PNLIPRP1: variants seen among roughly 807,000 people sequenced by gnomAD.
PNLIPRP1 encodes the protein inactive pancreatic lipase-related protein 1.
Under a neutral mutation model 54.6 loss-of-function variants are expected in PNLIPRP1, and 57 were observed. That is an observed-to-expected ratio of 1.04 (90% CI 0.84 to 1.30). The LOEUF (loss-of-function observed/expected upper bound fraction) is 1.30, where lower values mean the gene tolerates loss of function less well. PNLIPRP1 is among the 50% of genes most tolerant of loss of function. The pLI, the probability that PNLIPRP1 is intolerant of heterozygous loss-of-function variation, is 0.00. For synonymous variants in PNLIPRP1, 232 were observed against 208.8 expected (o/e 1.11, Z -0.96); for missense variants, 567 against 568.5 (o/e 1.00, Z 0.03).
intron 12 of PNLIPRP1, 45 bp downstream of exon 12, chr10:116,605,598 T>C: frequency 7.3e-7 from 1 of 1,379,140 alleles, no homozygotes; most frequent in South Asian, 1.7e-5. Context: ...TTGCAGAGAT[T>C]CATGTTATAA....
rs1554863234 is a variant in PNLIPRP1 at position 116,591,890 on chromosome 10, C to T, written c.169C>T (p.Leu57=). The change falls in exon 3 of 13, where the codon CTG becomes TTG. Residue 57 remains leucine (L), a synonymous_variant. Coordinates refer to ENST00000358834, the MANE Select transcript of PNLIPRP1 (RefSeq NM_006229.4). ...WSPEKIGTRF[L]LYTNENPNNF... ...CCCTGAGAAGATCGGCACCCGCTTC[C>T]TGCTGTACACCAATGAAAACCCAAA... The T allele has an allele frequency of 1.2e-6, 2 of 1,614,088 alleles. No individual in the cohort carries two copies. The highest frequency in any genetic ancestry group is 2.2e-5 in the East Asian group (1 of 44,892).
intron 4 of PNLIPRP1, 79 bp from the exon 5 acceptor site, chr10:116,594,651 G>T: frequency 1.3e-6 from 2 of 1,495,190 alleles, no homozygotes; most frequent in Non-Finnish European, 1.9e-6. Flanking sequence ...AGAGAGAAGT[G>T]GCCATTTCTG....
rs782772586 is a variant in PNLIPRP1 at position 116,601,212 on chromosome 10, C to T, written c.1063+11C>T. On this transcript the variant is annotated intron_variant, in intron 10 of 12. Coordinates refer to ENST00000358834, the MANE Select transcript of PNLIPRP1 (RefSeq NM_006229.4). The stretch of plus-strand genomic sequence containing the variant: ...CTAGCAATTTCGCTCGTAAGTTGCA[C>T]TTTGACTACCTGCCCATGTAAAGAA... 1 of 1,609,348 alleles carries T rather than the reference C, an allele frequency of 6.2e-7. No individual in the cohort carries two copies.
At chr10:116,594,098 A>G (rs782075232) in intron 4 of PNLIPRP1, among the ~76,000 whole-genome samples, 3 of 152,228 alleles carry the variant, frequency 2.0e-5, no homozygotes, top group Non-Finnish European at 2.9e-5. Context: ...AATTTATAGT[A>G]CCATTTTAAA....
intron 12 of PNLIPRP1, among the ~76,000 whole-genome samples, chr10:116,606,937 T>C (rs1173069565): frequency 3.3e-5 from 5 of 152,026 alleles, no homozygotes; most frequent in African/African-American, 1.2e-4. Flanking sequence ...GCTTCAAATC[T>C]CTCAAACTAG....
At chr10:116,601,507 C>A in intron 10 of PNLIPRP1, among the ~76,000 whole-genome samples, 1 of 152,150 alleles carries the variant, frequency 6.6e-6, no homozygotes, top group East Asian at 1.9e-4. Context: ...TTCATTGTTT[C>A]TTTCCTTTTT....
intron 9 of PNLIPRP1, 36 bp downstream of exon 9, chr10:116,600,201 C>G: frequency 1.5e-6 from 2 of 1,339,416 alleles, no homozygotes; most frequent in Non-Finnish European, 2.2e-6. Flanking sequence ...ACAAGCATCA[C>G]CCCTCTGAGG....
At chr10:116,592,726 C>A (rs1253523186) in intron 4 of PNLIPRP1, 185 bp downstream of exon 4, 1 of 737,002 alleles carries the variant, frequency 1.4e-6, no homozygotes, top group Non-Finnish European at 2.4e-6. Flanking sequence ...CTGAAGCAAC[C>A]ACATTTGCTG....
intron 11 of PNLIPRP1, among the ~76,000 whole-genome samples, chr10:116,605,009 T>A (rs575889430): frequency 2.6e-5 from 4 of 152,306 alleles, no homozygotes; most frequent in Non-Finnish European, 4.4e-5. Flanking sequence ...TCTTAATAGA[T>A]GTTTTTTTAA....
chr10:116,605,595 G>C, intron 12 of PNLIPRP1, 42 bp downstream of exon 12: 1 of 1,386,060 alleles, frequency 7.2e-7, no homozygotes, highest in Non-Finnish European at 9.7e-7. Flanking sequence ...TGTTTGCAGA[G>C]ATTCATGTTA....
chr10:116,595,405 GTCTTTAAT>G (rs1847717696), intron 5 of PNLIPRP1: 1 of 153,850 alleles, frequency 6.5e-6, no homozygotes, highest in South Asian at 2.0e-4. Context: ...AACTCCTTCA[GTCTTTAAT>G]TCTTTAAGTT....
At chr10:116,603,962 G>C (rs782430299) in intron 10 of PNLIPRP1, 68 bp from the exon 11 acceptor site, 82 of 786,230 alleles carry the variant, frequency 1.0e-4, no homozygotes, top group Non-Finnish European at 1.5e-4. Context: ...AAGAGAAGGA[G>C]ACAAGTCTGG....
chr10:116,599,786 T>C (rs1554864499), intron 8 of PNLIPRP1, among the ~76,000 whole-genome samples: 34 of 152,142 alleles, frequency 2.2e-4, no homozygotes. Flanking sequence ...TGATAATGCA[T>C]AAATAAGGAT....
At chr10:116,595,061 T>C (rs1377935193) in intron 5 of PNLIPRP1, 197 bp downstream of exon 5, 1 of 610,316 alleles carries the variant, frequency 1.6e-6, no homozygotes, top group African/African-American at 1.8e-5. Context: ...ACTTAGAAAG[T>C]GGTTTTTTAA....
At chr10:116,596,991 G>A (rs906054830) in intron 6 of PNLIPRP1, among the ~76,000 whole-genome samples, 2 of 152,166 alleles carry the variant, frequency 1.3e-5, no homozygotes, top group East Asian at 3.9e-4. Flanking sequence ...AAAGGCTCAG[G>A]GATGCAAATA....
chr10:116,591,682 A>T (rs2133225155), intron 2 of PNLIPRP1, 89 bp from the exon 3 acceptor site: 1 of 1,352,380 alleles, frequency 7.4e-7, no homozygotes, highest in Admixed American at 1.9e-5. Context: ...CTGTCCCTGA[A>T]TAGAAGAGTG....
chr10:116,591,432 G>C (rs527241706), intron 2 of PNLIPRP1, among the ~76,000 whole-genome samples: 1 of 152,200 alleles, frequency 6.6e-6, no homozygotes. Context: ...TGAAACATCT[G>C]CCTGAGTTAA....
intron 10 of PNLIPRP1, among the ~76,000 whole-genome samples, chr10:116,602,840 T>C (rs782393944): frequency 6.6e-6 from 1 of 152,240 alleles, no homozygotes; most frequent in South Asian, 2.1e-4. Context: ...TGTATGTGCA[T>C]GTGTATGTAT....
chr10:116,605,442 T>C lies in PNLIPRP1; in HGVS notation c.1229T>C (p.Val410Ala). Residue 410 changes from valine to alanine, a missense_variant, in exon 12 of 13, where the codon GTT (valine) becomes GCT (alanine). Coordinates refer to ENST00000358834, the MANE Select transcript of PNLIPRP1 (RefSeq NM_006229.4). The stretch of plus-strand genomic sequence containing the variant: ...TATGAGTTTGATGCAAAGCTGGATG[T>C]TGGAACAATTGAGAAAGTCAAGTTT... The part of the protein sequence containing the change: ...HSYEFDAKLD[V>A]GTIEKVKFLW... 6.2e-7 allele frequency: 1 copy of C among 1,611,820 alleles called. No individual in the cohort carries two copies. Among genetic ancestry groups the C allele is most frequent in the Non-Finnish European group, 8.5e-7 (1 of 1,178,160 alleles).
Sources: allele counts gnomAD v4.1 joint callset (sites outside exome capture counted in the v4.1 genomes callset), GRCh38; gene constraint gnomAD v4.1.1; transcripts MANE v1.5; gene names NCBI Gene and HGNC (gene_info 2026-07-23, HGNC 2026-07-21).